The following C6orf89 variants were observed in gnomAD, a reference collection of about 807,000 sequenced individuals.
C6orf89 encodes the protein chromosome 6 open reading frame 89, also known as bombesin receptor-activated protein C6orf89.
A neutral mutation model predicts 40.7 loss-of-function variants in C6orf89; 29 were observed. That is an observed-to-expected ratio of 0.71 (90% CI 0.53 to 0.97). The LOEUF is 0.97. Among genes scored for constraint, C6orf89 ranks in the 50% least tolerant of loss-of-function variants. The pLI is 0.00. For synonymous variants in C6orf89, 165 were observed against 152.2 expected, an observed-to-expected ratio of 1.08 and a Z score of -0.62; for missense variants, 392 against 429.1, an observed-to-expected ratio of 0.91 and a Z score of 0.76.
intron 1 of C6orf89, among the ~76,000 whole-genome samples, chr6:36,890,838 C>G (rs553137057): frequency 6.6e-5 from 10 of 152,298 alleles, no homozygotes; most frequent in South Asian, 6.2e-4. Context: ...TGTGCCCTGC[C>G]TGTACCTTGA....
At chr6:36,914,262 T>G in intron 4 of C6orf89, 22 bp from the exon 5 acceptor site, 2 of 1,605,794 alleles carry the variant, frequency 1.2e-6, no homozygotes, top group Non-Finnish European at 1.7e-6. Flanking sequence ...ATCTGTTTTC[T>G]CCATATCCCT....
At chr6:36,888,695 G>T (rs1775084902) in intron 1 of C6orf89, among the ~76,000 whole-genome samples, 3 of 152,148 alleles carry the variant, frequency 2.0e-5, no homozygotes, top group Non-Finnish European at 1.5e-5. Flanking sequence ...AGAACTGGAA[G>T]TATAGAGATT....
chr6:36,886,136 C>A, intron 1 of C6orf89, 108 bp downstream of exon 1: 2 of 987,448 alleles, frequency 2.0e-6, no homozygotes, highest in South Asian at 4.4e-5. Flanking sequence ...CTGCTACCAC[C>A]CTCTATCCCA....
chr6:36,874,818 G>A (rs920132784), intron 1 of C6orf89: 4 of 1,602,068 alleles, frequency 2.5e-6, no homozygotes, highest in East Asian at 2.2e-5. Context: ...GCTACTTCCG[G>A]CGTCGATTAG....
intron 7 of C6orf89, among the ~76,000 whole-genome samples, chr6:36,917,807 G>GC (rs11420594): frequency 0.25 from 37,848 of 152,028 alleles, 4,997 homozygotes; most frequent in East Asian, 0.32. Flanking sequence ...CTGGGACACG[G>GC]CTTTATCTTT....
intron 3 of C6orf89, among the ~76,000 whole-genome samples, chr6:36,901,315 ATTATTATT>A (rs1761682958): frequency 1.7e-4 from 5 of 29,322 alleles, no homozygotes; most frequent in African/African-American, 2.5e-4. Flanking sequence ...TATTATTATT[ATTATTATT>A]TTTTTTTTTT....
chr6:36,896,298 G>A (rs1761428865), intron 2 of C6orf89, among the ~76,000 whole-genome samples: 1 of 152,108 alleles, frequency 6.6e-6, no homozygotes, highest in South Asian at 2.1e-4. Context: ...AGTAGAGACA[G>A]GGTTTCACCA....
chr6:36,888,796 T>C (rs1775088985), intron 1 of C6orf89, among the ~76,000 whole-genome samples: 2 of 152,150 alleles, frequency 1.3e-5, no homozygotes, highest in Non-Finnish European at 2.9e-5. Flanking sequence ...GTGAGAATTA[T>C]ATAGGAGGCT....
chr6:36,899,285 T>G, intron 2 of C6orf89, 141 bp from the exon 3 acceptor site: 1 of 652,740 alleles, frequency 1.5e-6, no homozygotes, highest in Non-Finnish European at 2.7e-6. Flanking sequence ...TTCATTGTGT[T>G]TCATGAAAGT....
rs1300811880 is a variant in C6orf89, at chr6:36,886,014, GC to G, written c.-133del. ...CCCCGAGGCGGGAGGAGCCCGAGGGGCGCGAGCCCCGCATGTGAGTGACTGG... is the reference window on the plus strand; with the variant it reads ...CCCCGAGGCGGGAGGAGCCCGAGGGGGCGAGCCCCGCATGTGAGTGACTGG... On this transcript the variant is annotated 5_prime_UTR_variant, in exon 1 of 9. Transcript: ENST00000480824. 5.6e-6 allele frequency: 7 copies of G among 1,255,604 alleles called. No homozygotes were observed. The South Asian group carries it at 2.0e-4, about 37-fold the overall frequency. The allele number at this position is 1,255,604 out of a possible 1,614,324, so 77.8% of individuals were successfully genotyped here.
chr6:36,924,566 T>TCA lies in C6orf89; in HGVS notation c.*1127_*1128dup, dbSNP rs1762620227. On this transcript the variant is annotated 3_prime_UTR_variant, in exon 9 of 9. Transcript: ENST00000480824. ...AGCTGTGTGTTTCTGATTGGATGAT[T>TCA]CACTATGTGCATTGTTTTCTCCTAA... is the stretch of plus-strand genomic sequence containing the variant. 3 of 152,246 alleles carry TCA rather than the reference T, an allele frequency of 2.0e-5. No homozygotes were observed. The South Asian group carries it at 6.2e-4, about 31-fold the overall frequency. The allele number at this position is 152,246 out of a possible 1,614,324, so 9.4% of individuals were successfully genotyped here.
chr6:36,921,356 A>T (rs913209393), intron 8 of C6orf89, among the ~76,000 whole-genome samples: 2 of 152,220 alleles, frequency 1.3e-5, no homozygotes, highest in African/African-American at 4.8e-5. Flanking sequence ...TCAGTGTTAC[A>T]GGACAGATGG....
At chr6:36,885,832 T>C (rs1433592626), upstream of C6orf89, 21 of 422,704 alleles carry the variant, frequency 5.0e-5, no homozygotes, top group Admixed American at 1.8e-4. Flanking sequence ...GGTCCCGCGC[T>C]CGCCACGACA....
Position 36,895,008 on chromosome 6 carries a change from A to G in C6orf89, c.-20+405A>G, listed in dbSNP as rs181194065. 1.5e-3 allele frequency among the ~76,000 whole-genome samples: 233 copies of G among 152,310 alleles called. 1 individual carries two copies. The highest frequency in any genetic ancestry group is 2.4e-3 in the Non-Finnish European group (164 of 68,028). On this transcript the variant is annotated intron_variant, in intron 2 of 8. Coordinates refer to ENST00000480824, the MANE Select transcript of C6orf89 (RefSeq NM_001286635.2). ...TTGGCAAAGCTTGTCTCCAGGTTCA[A>G]TGCTGTTTCATTTTTCCAGCTGTAA...
chr6:36,894,927 AT>A (rs1292010661), intron 2 of C6orf89, among the ~76,000 whole-genome samples: 5 of 152,102 alleles, frequency 3.3e-5, no homozygotes, highest in Admixed American at 3.3e-4. Context: ...CAATCCTCTT[AT>A]TTTTTGGATG....
chr6:36,873,661 A>T (rs1774568057), intron 1 of C6orf89, among the ~76,000 whole-genome samples: 1 of 152,216 alleles, frequency 6.6e-6, no homozygotes, highest in South Asian at 2.1e-4. Context: ...GAGCCTGAAG[A>T]TGTAGAATTT....
At chr6:36,916,302 G>C (rs1233813524) in intron 6 of C6orf89, 143 bp from the exon 7 acceptor site, 11 of 796,658 alleles carry the variant, frequency 1.4e-5, no homozygotes, top group Admixed American at 2.6e-5. Context: ...TATTCTTCAG[G>C]GACCTAGTAC....
intron 2 of C6orf89, among the ~76,000 whole-genome samples, chr6:36,896,578 T>A (rs768694820): frequency 4.1e-4 from 62 of 152,348 alleles, no homozygotes; most frequent in Non-Finnish European, 2.1e-4. Context: ...GCTTGTCATT[T>A]TACTTTCTTG....
In C6orf89 at chr6:36,902,395, G is replaced by T. The variant is rs746966320; in HGVS notation, c.364G>T (p.Val122Phe). ...GAAGTACATGTCAGAAAATAAGGGA[G>T]TTCCTCTGCATGGGGGTGATGAAGA... is the stretch of plus-strand genomic sequence containing the variant. Reference protein sequence around the residue: ...AKKYMSENKGVPLHGGDEDRP... With the variant: ...AKKYMSENKGFPLHGGDEDRP... The change falls in exon 4 of 9, where the codon GTT (valine) becomes TTT (phenylalanine). Residue 122 changes from valine (V) to phenylalanine (F), a missense_variant. Transcript: ENST00000480824. 6.2e-7 allele frequency: 1 copy of T among 1,614,088 alleles called. No individual in the cohort carries two copies. The highest frequency in any genetic ancestry group is 1.3e-5 in the African/African-American group (1 of 74,940).
Sources: allele counts gnomAD v4.1 joint callset (sites outside exome capture counted in the v4.1 genomes callset), GRCh38; gene constraint gnomAD v4.1.1; transcripts MANE v1.5; gene names NCBI Gene and HGNC (gene_info 2026-07-23, HGNC 2026-07-21).